The following FAM83B variants were observed in gnomAD, a reference collection of about 807,000 sequenced individuals.
The protein encoded by FAM83B is scaffolding CK1 anchoring protein B.
FAM83B carries 26 observed loss-of-function variants against 38.8 expected under a neutral mutation model. That is an observed-to-expected ratio of 0.67 (90% CI 0.49 to 0.93). The LOEUF is 0.93. FAM83B is among the 40% of genes least tolerant of loss of function. The probability of loss-of-function intolerance (pLI) is 0.00; values close to 1 mark genes in which losing one functional copy is unlikely to be tolerated. For missense variants in FAM83B, 1,237 were observed against 1,197.3 expected (o/e 1.03, Z -0.49); for synonymous variants, 419 against 423.1 (o/e 0.99, Z 0.12).
intron 4 of FAM83B, among the ~76,000 whole-genome samples, chr6:54,937,734 C>G (rs988973837): frequency 6.6e-6 from 1 of 152,110 alleles, no homozygotes; most frequent in Non-Finnish European, 1.5e-5. Context: ...CAGCAGAAAC[C>G]AGGCCTCTTG....
At chr6:54,849,606 G>C (rs1771223866) in intron 1 of FAM83B, among the ~76,000 whole-genome samples, 1 of 151,910 alleles carries the variant, frequency 6.6e-6, no homozygotes, top group Non-Finnish European at 1.5e-5. Context: ...CCAAATATGA[G>C]AGATATTCAT....
At chr6:54,917,122 G>T (rs1284263295) in intron 2 of FAM83B, among the ~76,000 whole-genome samples, 1 of 152,144 alleles carries the variant, frequency 6.6e-6, no homozygotes, top group African/African-American at 2.4e-5. Flanking sequence ...ATGTCACAAT[G>T]ATTTATAGTT....
At chr6:54,908,833 T>C (rs1772835112) in intron 2 of FAM83B, among the ~76,000 whole-genome samples, 1 of 152,176 alleles carries the variant, frequency 6.6e-6, no homozygotes, top group South Asian at 2.1e-4. Flanking sequence ...GATTCTATGT[T>C]CTGGAACCCC....
rs536258038 is a variant in FAM83B, at chr6:54,852,922, T to G, written c.-61+6096T>G. Among the ~76,000 whole-genome samples the G allele has an allele frequency of 2.1e-5, 3 of 139,666 alleles. No individual in the cohort carries two copies. In the East Asian group the frequency reaches 5.9e-4, roughly 27 times the overall value. The allele number at this position is 139,666 out of a possible 152,430, so 91.6% of individuals were successfully genotyped here. Reference sequence around the variant, plus strand: ...ATTTGTGAACTTTCCTAAAAGATTATTCGATTTTTGTTGCAATTTTTTTTT... The same window carrying G: ...ATTTGTGAACTTTCCTAAAAGATTAGTCGATTTTTGTTGCAATTTTTTTTT... On this transcript the variant is annotated intron_variant, in intron 1 of 4. Transcript: ENST00000306858.
chr6:54,865,121 T>C (rs1368978652), intron 1 of FAM83B, among the ~76,000 whole-genome samples: 1 of 152,182 alleles, frequency 6.6e-6, no homozygotes, highest in African/African-American at 2.4e-5. Flanking sequence ...AGTGCAGCTG[T>C]AACGAAGTAC....
intron 2 of FAM83B, among the ~76,000 whole-genome samples, chr6:54,909,691 C>T (rs1288609210): frequency 1.3e-5 from 2 of 151,888 alleles, no homozygotes; most frequent in Admixed American, 6.6e-5. Flanking sequence ...CTTATTGCCC[C>T]CAAGAAAGTA....
At chr6:54,909,723 A>G (rs1408961032) in intron 2 of FAM83B, among the ~76,000 whole-genome samples, 1 of 152,216 alleles carries the variant, frequency 6.6e-6, no homozygotes, top group Non-Finnish European at 1.5e-5. Context: ...ACAAGGCTGA[A>G]TAAAATAAAC....
At chr6:54,916,460 G>T (rs1003865626) in intron 2 of FAM83B, among the ~76,000 whole-genome samples, 8 of 152,002 alleles carry the variant, frequency 5.3e-5, no homozygotes, top group Non-Finnish European at 1.5e-5. Context: ...TCACACGCTC[G>T]TATTGACTAA....
At chr6:54,923,426 T>C (rs920595647) in intron 2 of FAM83B, among the ~76,000 whole-genome samples, 1 of 152,060 alleles carries the variant, frequency 6.6e-6, no homozygotes, top group African/African-American at 2.4e-5. Flanking sequence ...TACACACTCA[T>C]GGCAGAACCA....
chr6:54,867,070 T>G (rs16886088), intron 1 of FAM83B, among the ~76,000 whole-genome samples: 34 of 151,698 alleles, frequency 2.2e-4, no homozygotes, highest in Non-Finnish European at 4.4e-4. Context: ...TCAGCTTACA[T>G]GGCATAGTGA....
At position 54,853,018 on chromosome 6, in the gene FAM83B, C is replaced by T. The variant is rs187665607; in HGVS notation, c.-61+6192C>T. Reference sequence around the variant, plus strand: ...TAGCCCAAGACAATCCTTTTTGGCCCAGGGAAGCCAAAAGATTAGACACCC... The same window carrying T: ...TAGCCCAAGACAATCCTTTTTGGCCTAGGGAAGCCAAAAGATTAGACACCC... On this transcript the variant is annotated intron_variant, in intron 1 of 4. Coordinates refer to ENST00000306858, the MANE Select transcript of FAM83B (RefSeq NM_001010872.3). 5.9e-5 allele frequency among the ~76,000 whole-genome samples: 9 copies of T among 152,030 alleles called. No homozygotes were observed. In the East Asian group the frequency reaches 1.4e-3, roughly 23 times the overall value.
chr6:54,870,153 A>C, intron 1 of FAM83B, 34 bp from the exon 2 acceptor site: 1 of 962,440 alleles, frequency 1.0e-6, no homozygotes, highest in Non-Finnish European at 1.6e-6. Context: ...CCGAATTTTA[A>C]CTTGATCTTG....
chr6:54,942,810 T>A lies in FAM83B; in HGVS notation c.*803T>A, dbSNP rs1381518214. On this transcript the variant is annotated 3_prime_UTR_variant, in exon 5 of 5. Coordinates refer to ENST00000306858, the MANE Select transcript of FAM83B (RefSeq NM_001010872.3). ...GAATGATTCCCCCTCCTTTTTCTAT[T>A]GTATAAAAGCTTTTAGAAATGTAAA... Among the ~76,000 whole-genome samples, 1 of 152,010 alleles carries A rather than the reference T, an allele frequency of 6.6e-6. No homozygotes were observed. The highest frequency in any genetic ancestry group is 2.4e-5 in the African/African-American group (1 of 41,334).
At chr6:54,900,459 A>G (rs906084854) in intron 2 of FAM83B, among the ~76,000 whole-genome samples, 66 of 152,216 alleles carry the variant, frequency 4.3e-4, no homozygotes, top group African/African-American at 1.5e-3. Flanking sequence ...TGTTGGAGGA[A>G]GAAGTTAATA....
At chr6:54,849,119 A>G (rs1369852067) in intron 1 of FAM83B, among the ~76,000 whole-genome samples, 1 of 152,220 alleles carries the variant, frequency 6.6e-6, no homozygotes, top group Non-Finnish European at 1.5e-5. Context: ...CCCCATGGAA[A>G]CAGAGTTCTA....
At position 54,908,402 on chromosome 6, in the gene FAM83B, G is replaced by C. The variant is rs239825; in HGVS notation, c.445-17969G>C. Among the ~76,000 whole-genome samples the C allele has an allele frequency of 8.2e-3, 1,254 of 152,030 alleles. 7 individuals carry two copies. The highest frequency in any genetic ancestry group is 0.016 in the Admixed American group (252 of 15,280). ...CCTAAAGTATCATTCTACTACCAAAGAAAAGAGCTCCTTCAAACACTCTGA... is the reference window on the plus strand; with the variant it reads ...CCTAAAGTATCATTCTACTACCAAACAAAAGAGCTCCTTCAAACACTCTGA... On this transcript the variant is annotated intron_variant, in intron 2 of 4. Coordinates refer to ENST00000306858, the MANE Select transcript of FAM83B (RefSeq NM_001010872.3).
chr6:54,852,854 G>A (rs1032540863), intron 1 of FAM83B, among the ~76,000 whole-genome samples: 1 of 152,162 alleles, frequency 6.6e-6, no homozygotes, highest in African/African-American at 2.4e-5. Flanking sequence ...TGGCCTGCAG[G>A]CCATATATAG....
intron 4 of FAM83B, among the ~76,000 whole-genome samples, chr6:54,928,004 C>T (rs968614561): frequency 2.0e-5 from 3 of 152,176 alleles, no homozygotes; most frequent in African/African-American, 7.2e-5. Context: ...CTATTTACCA[C>T]TTTAAGTAAT....
chr6:54,861,187 G>T (rs1281859874), intron 1 of FAM83B, among the ~76,000 whole-genome samples: 1 of 152,214 alleles, frequency 6.6e-6, no homozygotes, highest in Non-Finnish European at 1.5e-5. Flanking sequence ...AATTTGAGAT[G>T]AATTTGAGCA....
Sources: allele counts gnomAD v4.1 joint callset (sites outside exome capture counted in the v4.1 genomes callset), GRCh38; gene constraint gnomAD v4.1.1; transcripts MANE v1.5; gene names NCBI Gene and HGNC (gene_info 2026-07-23, HGNC 2026-07-21).